SHOC2: variants seen among roughly 807,000 people sequenced by gnomAD.
SHOC2 encodes the protein SHOC2 leucine rich repeat scaffold protein.
Under a neutral mutation model 50.2 loss-of-function variants are expected in SHOC2, and 4 were observed. The observed-to-expected ratio is 0.08, with a 90% CI of 0.04 to 0.18. The LOEUF is 0.18. Ranked by LOEUF, SHOC2 falls within the 10% of genes least tolerant of loss-of-function variation. The probability of loss-of-function intolerance (pLI) is 1.00; values close to 1 mark genes in which losing one functional copy is unlikely to be tolerated. For missense variants in SHOC2, 388 were observed against 669.6 expected (o/e 0.58, Z 4.64); for synonymous variants, 218 against 244.5 (o/e 0.89, Z 1.01).
chr10:110,919,662 C>A lies in SHOC2; in HGVS notation c.-235+5C>A, dbSNP rs943654140. 15 of 398,818 alleles carry A rather than the reference C, an allele frequency of 3.8e-5. No homozygotes were observed. The Admixed American group carries it at 4.0e-4, about 11-fold the overall frequency. 24.7% of individuals were successfully genotyped at this position (398,818 alleles called of 1,614,324 possible). On this transcript the variant is annotated splice_donor_5th_base_variant and intron_variant, in intron 1 of 8. Coordinates refer to ENST00000369452, the MANE Select transcript of SHOC2 (RefSeq NM_007373.4). ...GCGGAGTCGGGGCTCCTGACGGTAA[C>A]TCGGGGCCGATGAGGCGGAGGGTGT... is the stretch of plus-strand genomic sequence containing the variant.
chr10:110,972,732 G>A (rs1847806079), intron 2 of SHOC2, among the ~76,000 whole-genome samples: 1 of 152,180 alleles, frequency 6.6e-6, no homozygotes, highest in Non-Finnish European at 1.5e-5. Flanking sequence ...AGCTACTCAT[G>A]AGGTTGAGGT....
At chr10:111,004,906 G>C (rs940112535) in intron 5 of SHOC2, 112 bp downstream of exon 5, 1 of 738,870 alleles carries the variant, frequency 1.4e-6, no homozygotes, top group Non-Finnish European at 2.4e-6. Context: ...TTGCTGATGG[G>C]TCTAAACTGA....
chr10:110,990,583 T>C (rs1361587173), intron 3 of SHOC2, among the ~76,000 whole-genome samples: 1 of 152,026 alleles, frequency 6.6e-6, no homozygotes, highest in Non-Finnish European at 1.5e-5. Flanking sequence ...ATCAGCGCCC[T>C]GACAAAACAG....
At chr10:110,927,688 A>G (rs1233443945) in intron 1 of SHOC2, among the ~76,000 whole-genome samples, 2 of 152,190 alleles carry the variant, frequency 1.3e-5, no homozygotes, top group Non-Finnish European at 2.9e-5. Context: ...ACAACAGAAT[A>G]TGAGTATTTG....
At chr10:110,960,825 G>GC (rs1303900878) in intron 1 of SHOC2, among the ~76,000 whole-genome samples, 5 of 152,040 alleles carry the variant, frequency 3.3e-5, no homozygotes, top group African/African-American at 1.2e-4. Context: ...ACAGGCGCCC[G>GC]CCACCACGCC....
intron 2 of SHOC2, among the ~76,000 whole-genome samples, chr10:110,970,491 A>G (rs938450900): frequency 1.3e-5 from 2 of 152,182 alleles, no homozygotes; most frequent in Non-Finnish European, 2.9e-5. Flanking sequence ...GTTGTAATAA[A>G]TAAGAGAGTG....
chr10:110,953,810 T>C (rs1312342101), intron 1 of SHOC2, among the ~76,000 whole-genome samples: 1 of 151,606 alleles, frequency 6.6e-6, no homozygotes, highest in Non-Finnish European at 1.5e-5. Context: ...ATTTGGTGGA[T>C]TGGGGGGAAT....
chr10:110,954,592 G>C (rs1267178761), intron 1 of SHOC2, among the ~76,000 whole-genome samples: 2 of 152,188 alleles, frequency 1.3e-5, no homozygotes, highest in Non-Finnish European at 2.9e-5. Context: ...AGACAGACAA[G>C]GTCCCTTATC....
chr10:110,953,873 T>G (rs1368222661), intron 1 of SHOC2, among the ~76,000 whole-genome samples: 1 of 151,418 alleles, frequency 6.6e-6, no homozygotes, highest in Non-Finnish European at 1.5e-5. Context: ...TCTTCTATAG[T>G]ATAAAAAGGA....
At chr10:110,986,650 A>G (rs1848083689) in intron 3 of SHOC2, among the ~76,000 whole-genome samples, 1 of 151,636 alleles carries the variant, frequency 6.6e-6, no homozygotes, top group Admixed American at 6.6e-5. Flanking sequence ...ATTTTTTTCT[A>G]TTTTTAATAG....
chr10:111,012,083 A>G lies in SHOC2; in HGVS notation c.*265A>G. 1 of 453,816 alleles carries G rather than the reference A, an allele frequency of 2.2e-6. No homozygotes were observed. Among genetic ancestry groups the G allele is most frequent in the African/African-American group, 2.0e-5 (1 of 50,710 alleles). 28.1% of individuals were successfully genotyped at this position (453,816 alleles called of 1,614,324 possible). ...TGCCAGTTTGCTTAAAACATTTGCCAACACATTATGAAGTTATTAAATTTA... is the reference window on the plus strand; with the variant it reads ...TGCCAGTTTGCTTAAAACATTTGCCGACACATTATGAAGTTATTAAATTTA... On this transcript the variant is annotated 3_prime_UTR_variant, in exon 9 of 9. Transcript: ENST00000369452.
chr10:111,012,159 G>C lies in SHOC2; in HGVS notation c.*341G>C, dbSNP rs1848578135. On this transcript the variant is annotated 3_prime_UTR_variant, in exon 9 of 9. Coordinates refer to ENST00000369452, the MANE Select transcript of SHOC2 (RefSeq NM_007373.4). ...ATACTTTCTCTTAGGAAAAATAATG[G>C]GCAAAAATTTTTGTTGCAACTTTTC... 1 of 220,606 alleles carries C rather than the reference G, an allele frequency of 4.5e-6. No homozygotes were observed. The highest frequency in any genetic ancestry group is 2.3e-5 in the African/African-American group (1 of 42,632). 13.7% of individuals were successfully genotyped at this position (220,606 alleles called of 1,614,324 possible).
chr10:110,953,133 A>T (rs1200964829), intron 1 of SHOC2, among the ~76,000 whole-genome samples: 1 of 152,186 alleles, frequency 6.6e-6, no homozygotes, highest in Non-Finnish European at 1.5e-5. Context: ...ATCCTTGAGG[A>T]ATCGCCACAC....
intron 2 of SHOC2, among the ~76,000 whole-genome samples, chr10:110,982,543 C>A (rs909056508): frequency 3.3e-5 from 5 of 151,948 alleles, no homozygotes; most frequent in African/African-American, 1.2e-4. Flanking sequence ...TTAATGATTG[C>A]CATTCTAACT....
chr10:110,949,270 T>TA (rs1847305437), intron 1 of SHOC2, among the ~76,000 whole-genome samples: 2 of 152,114 alleles, frequency 1.3e-5, no homozygotes, highest in African/African-American at 4.8e-5. Context: ...TTACAGCTGA[T>TA]ACAACAGAAA....
chr10:110,964,847 C>T lies in SHOC2; in HGVS notation c.489C>T (p.Asp163=). The change falls in exon 2 of 9, where the codon GAC becomes GAT. Residue 163 remains aspartate, a synonymous_variant. Coordinates refer to ENST00000369452, the MANE Select transcript of SHOC2 (RefSeq NM_007373.4). The surrounding 1 kb of genome is among the most constrained non-coding windows in gnomAD (Gnocchi z 4.9). ...LSENSLTSLP[D]SLDNLKKLRM... ...AAAATTCACTTACCAGTTTGCCTGA[C>T]TCTCTTGATAACTTGAAGAAGCTGC... The T allele has an allele frequency of 1.7e-5, 28 of 1,614,070 alleles. No individual in the cohort carries two copies. Among genetic ancestry groups the T allele is most frequent in the Non-Finnish European group, 2.1e-5 (25 of 1,179,954 alleles).
intron 2 of SHOC2, among the ~76,000 whole-genome samples, chr10:110,980,441 C>G (rs547166132): frequency 6.4e-4 from 98 of 152,248 alleles, no homozygotes; most frequent in African/African-American, 2.3e-3. Context: ...TTTTTCTTCT[C>G]TCTTGATAGT....
At chr10:110,946,918 A>G (rs1847256649) in intron 1 of SHOC2, among the ~76,000 whole-genome samples, 1 of 152,218 alleles carries the variant, frequency 6.6e-6, no homozygotes, top group African/African-American at 2.4e-5. Flanking sequence ...ATGTCAGAAT[A>G]GTAGTTTTCA....
intron 2 of SHOC2, among the ~76,000 whole-genome samples, chr10:110,969,383 T>C (rs1847734934): frequency 6.6e-6 from 1 of 152,122 alleles, no homozygotes; most frequent in African/African-American, 2.4e-5. Flanking sequence ...ATTGGTTCCT[T>C]TGAGTTTCTT....
Sources: allele counts gnomAD v4.1 joint callset (sites outside exome capture counted in the v4.1 genomes callset), GRCh38; gene constraint gnomAD v4.1.1; non-coding constraint Gnocchi (gnomAD v3.1); transcripts MANE v1.5; gene names NCBI Gene and HGNC (gene_info 2026-07-23, HGNC 2026-07-21).